Variants in CHRNG observed in about 807,000 individuals in gnomAD.
CHRNG encodes cholinergic receptor nicotinic gamma subunit.
Under a neutral mutation model 65.2 loss-of-function variants are expected in CHRNG, and 72 were observed. That is an observed-to-expected ratio of 1.10 (90% CI 0.91 to 1.34). CHRNG has a LOEUF of 1.34. Ranked by LOEUF, CHRNG falls within the 40% of genes most tolerant of loss-of-function variation. The pLI, the probability that CHRNG is intolerant of heterozygous loss-of-function variation, is 0.00. For synonymous variants in CHRNG, 284 were observed against 290.2 expected (o/e 0.98, Z 0.22); for missense variants, 637 against 680.1 (o/e 0.94, Z 0.70).
At chr2:232,543,542 T>C (rs1416395422) in intron 8 of CHRNG, 43 bp from the exon 9 acceptor site, 6 of 1,379,278 alleles carry the variant, frequency 4.4e-6, no homozygotes, top group Non-Finnish European at 6.2e-6. Flanking sequence ...GGGGGTGGCA[T>C]CATGGTATGG....
rs191198174 is a variant in CHRNG, at chr2:232,540,509, C to G, written c.240+84C>G. ...CCTCCTGAGAGTTGCCTGCCCCGTT[C>G]CTGCCTCTTCTGTCCTCTTGGGCTG... is the stretch of plus-strand genomic sequence containing the variant. On this transcript the variant is annotated intron_variant, in intron 3 of 11. Transcript: ENST00000651502. The surrounding 1 kb of genome is among the most constrained non-coding windows in gnomAD (Gnocchi z 4.2). 1 of 1,601,466 alleles carries G rather than the reference C, an allele frequency of 6.2e-7. No individual in the cohort carries two copies. The highest frequency in any genetic ancestry group is 2.2e-5 in the East Asian group (1 of 44,800).
chr2:232,544,992 G>T, intron 11 of CHRNG, 90 bp downstream of exon 11: 1 of 1,551,558 alleles, frequency 6.4e-7, no homozygotes, highest in Non-Finnish European at 8.8e-7. Flanking sequence ...GCCAAGATAG[G>T]GCAGTGGGAT....
intron 9 of CHRNG, 34 bp downstream of exon 9, chr2:232,543,733 C>A: frequency 7.8e-7 from 1 of 1,287,426 alleles, no homozygotes; most frequent in Non-Finnish European, 1.1e-6. Context: ...CAACATCCCG[C>A]TGCCCACTCC....
Position 232,544,538 on chromosome 2 carries a change from T to A in CHRNG, c.1207T>A (p.Trp403Arg). The A allele has an allele frequency of 6.2e-7, 1 of 1,613,728 alleles. No individual in the cohort carries two copies. Among genetic ancestry groups the A allele is most frequent in the Non-Finnish European group, 8.5e-7 (1 of 1,179,994 alleles). The change falls in exon 10 of 12, where the codon TGG becomes AGG. Residue 403 changes from tryptophan to arginine, a missense_variant. Coordinates refer to ENST00000651502, the MANE Select transcript of CHRNG (RefSeq NM_005199.5). ...LPRSELLFQQ[W>R]QRQGLVAAAL... is the part of the protein sequence containing the mutation. ...TCGCAGTGAACTCCTCTTCCAGCAG[T>A]GGCAGCGGCAAGGGCTGGTGGCGGC...
rs1321567789 is a variant in CHRNG at position 232,543,033 on chromosome 2, T to C, written c.756T>C (p.Cys252=). ...ACGTCATCAACATCATCGCCCCCTG[T>C]GTGCTCATCTCCTCTGTCGCCATCC... ...LFYVINIIAP[C]VLISSVAILI... Residue 252 remains cysteine (C), a synonymous_variant, in exon 7 of 12, where the codon TGT becomes TGC. Coordinates refer to ENST00000651502, the MANE Select transcript of CHRNG (RefSeq NM_005199.5). 2.5e-6 allele frequency: 4 copies of C among 1,614,128 alleles called. No individual in the cohort carries two copies. The highest frequency in any genetic ancestry group is 2.5e-6 in the Non-Finnish European group (3 of 1,180,050).
rs140875617 is a variant in CHRNG, at chr2:232,544,410, G to A, written c.1079G>A (p.Arg360His). 74 of 1,613,426 alleles carry A rather than the reference G, an allele frequency of 4.6e-5. No individual in the cohort carries two copies. The highest frequency in any genetic ancestry group is 1.1e-4 in the African/African-American group (8 of 75,002). ...CCCCAGCTGCTGAGGATGCACGTTCGCCCGCTGGCCCCGGCAGCTGTGCAG... is the reference window on the plus strand; with the variant it reads ...CCCCAGCTGCTGAGGATGCACGTTCACCCGCTGGCCCCGGCAGCTGTGCAG... ...LLPQLLRMHVRPLAPAAVQDT... is the reference protein window; with the variant it reads ...LLPQLLRMHVHPLAPAAVQDT... The change falls in exon 10 of 12, where the codon CGC becomes CAC. Residue 360 changes from arginine (R) to histidine (H), a missense_variant. Arg to His is a conservative substitution (Grantham distance 29, BLOSUM62 0). Coordinates refer to ENST00000651502, the MANE Select transcript of CHRNG (RefSeq NM_005199.5).
chr2:232,542,048 C>A (rs1692027136), intron 5 of CHRNG, among the ~76,000 whole-genome samples: 1 of 152,156 alleles, frequency 6.6e-6, no homozygotes, highest in Non-Finnish European at 1.5e-5. Flanking sequence ...TTTCCATGAG[C>A]AAACCTGGCA....
Position 232,544,901 on chromosome 2 carries a change from A to G in CHRNG, c.1379A>G (p.Asn460Ser). The change falls in exon 11 of 12, where the codon AAT (asparagine) becomes AGT (serine). Residue 460 changes from asparagine to serine, a missense_variant and splice_region_variant. Asn to Ser is a conservative substitution (Grantham distance 46). Coordinates refer to ENST00000651502, the MANE Select transcript of CHRNG (RefSeq NM_005199.5). ...CGGCACCAGCAGAGTCACTTTGACA[A>G]TGTAAGCTGAGTCAGGGTGGGGTGG... Reference protein sequence around the residue: ...CARHQQSHFDNGNEEWFLVGR... With the variant: ...CARHQQSHFDSGNEEWFLVGR... 1 of 1,613,832 alleles carries G rather than the reference A, an allele frequency of 6.2e-7. No individual in the cohort carries two copies. Among genetic ancestry groups the G allele is most frequent in the Non-Finnish European group, 8.5e-7 (1 of 1,179,936 alleles).
In CHRNG at chr2:232,544,538, TGGCAGCGGCAAGGGCTGGTGGC is replaced by T. The variant is rs1246064798; in HGVS notation, c.1215_1236del (p.Gln406TrpfsTer4). 6.2e-7 allele frequency: 1 copy of T among 1,613,610 alleles called. No homozygotes were observed. The highest frequency in any genetic ancestry group is 8.5e-7 in the Non-Finnish European group (1 of 1,180,002). On this transcript the variant is annotated frameshift_variant, in exon 10 of 12. Transcript: ENST00000651502. LOFTEE classifies it high-confidence loss of function. ...TCGCAGTGAACTCCTCTTCCAGCAG[TGGCAGCGGCAAGGGCTGGTGGC>T]GGCAGCGCTGGAGAAGCTAGGTGAG... is the stretch of plus-strand genomic sequence containing the variant.
chr2:232,542,213 G>A (rs1481151855), intron 5 of CHRNG, among the ~76,000 whole-genome samples: 1 of 152,136 alleles, frequency 6.6e-6, no homozygotes, highest in African/African-American at 2.4e-5. Flanking sequence ...GCAGCCTCCT[G>A]GGCCTTCAAC....
At position 232,546,523 on chromosome 2, in the gene CHRNG, T is replaced by G. The variant is rs1439145404; in HGVS notation, c.*807T>G. ...CCACTACACCCAGCTACTTTTAAAT[T>G]TTTAGTAGAGATGAGGTTTTGCTAT... On this transcript the variant is annotated 3_prime_UTR_variant, in exon 12 of 12. Transcript: ENST00000651502. 1 of 151,914 alleles carries G rather than the reference T, an allele frequency of 6.6e-6. No individual in the cohort carries two copies. Among genetic ancestry groups the G allele is most frequent in the Admixed American group, 6.6e-5 (1 of 15,254 alleles). The allele number at this position is 151,914 out of a possible 1,614,324, so 9.4% of individuals were successfully genotyped here. A position where few individuals can be genotyped will look rare whatever the true frequency, so the allele number is the denominator to read the frequency against.
At chr2:232,542,662 A>G (rs975726404) in intron 6 of CHRNG, 142 bp downstream of exon 6, 1 of 741,220 alleles carries the variant, frequency 1.3e-6, no homozygotes, top group Non-Finnish European at 2.4e-6. Context: ...TATGCTTTTT[A>G]AAACGTCCAA....
chr2:232,545,559 T>A lies in CHRNG; in HGVS notation c.1397T>A (p.Phe466Tyr), dbSNP rs1321558030. 1.2e-6 allele frequency: 2 copies of A among 1,613,892 alleles called. No homozygotes were observed. Among genetic ancestry groups the A allele is most frequent in the Non-Finnish European group, 1.7e-6 (2 of 1,179,978 alleles). The stretch of plus-strand genomic sequence containing the variant: ...CACCCTCAGGGGAATGAGGAGTGGT[T>A]CCTGGTGGGCCGAGTGCTGGACCGC... ...SHFDNGNEEW[F>Y]LVGRVLDRVC... The change falls in exon 12 of 12, where the codon TTC (phenylalanine) becomes TAC (tyrosine). Residue 466 changes from phenylalanine to tyrosine, a missense_variant. Phe to Tyr is a conservative substitution (Grantham distance 22). Transcript: ENST00000651502.
At position 232,540,463 on chromosome 2, in the gene CHRNG, T is replaced by C; in HGVS notation, c.240+38T>C. The C allele has an allele frequency of 1.9e-6, 3 of 1,611,554 alleles. No homozygotes were observed. Among genetic ancestry groups the C allele is most frequent in the Non-Finnish European group, 2.5e-6 (3 of 1,179,366 alleles). The stretch of plus-strand genomic sequence containing the variant: ...CCTGCCACCCTCCTTCCATCAGGGG[T>C]CCCACCCCACCACCCCAAGGCCTCC... On this transcript the variant is annotated intron_variant, in intron 3 of 11. Transcript: ENST00000651502. The surrounding 1 kb of genome is among the most constrained non-coding windows in gnomAD (Gnocchi z 4.2).
Position 232,541,242 on chromosome 2 carries a change from CAG to C in CHRNG, c.351-131_351-130del. The C allele has an allele frequency of 3.5e-6, 4 of 1,143,550 alleles. No individual in the cohort carries two copies. Among genetic ancestry groups the C allele is most frequent in the Non-Finnish European group, 5.2e-6 (4 of 770,678 alleles). The allele number at this position is 1,143,550 out of a possible 1,614,324, so 70.8% of individuals were successfully genotyped here. A position where few individuals can be genotyped will look rare whatever the true frequency, so the allele number is the denominator to read the frequency against. ...CCTAGTGGTCCGGGTGGGAACCAGT[CAG>C]GGGGTGACAGGCTGGTAGGGACTGG... is the stretch of plus-strand genomic sequence containing the variant. On this transcript the variant is annotated intron_variant, in intron 4 of 11. Transcript: ENST00000651502. This position sits in a 1 kb window ranked among gnomAD's most constrained non-coding sequence, Gnocchi z 4.0.
chr2:232,548,111 T>C lies in CHRNG; in HGVS notation c.*2395T>C. The stretch of plus-strand genomic sequence containing the variant: ...ATTGCTAAAAAATGCTGATTATCAA[T>C]CTGAGCCTTCGGTGAGTCGTACTCT... On this transcript the variant is annotated 3_prime_UTR_variant, in exon 12 of 12. Coordinates refer to ENST00000651502, the MANE Select transcript of CHRNG (RefSeq NM_005199.5). The C allele has an allele frequency of 1.4e-6, 1 of 737,392 alleles. No homozygotes were observed. 45.7% of individuals were successfully genotyped at this position (737,392 alleles called of 1,614,324 possible).
intron 8 of CHRNG, 88 bp from the exon 9 acceptor site, chr2:232,543,496 AT>A: frequency 3.5e-6 from 4 of 1,145,664 alleles, no homozygotes; most frequent in Non-Finnish European, 4.9e-6. Flanking sequence ...CCCATCCTCA[AT>A]TCAGGAGGCC....
Position 232,547,935 on chromosome 2 carries a change from G to C in CHRNG, c.*2219G>C, listed in dbSNP as rs1692159619. On this transcript the variant is annotated 3_prime_UTR_variant, in exon 12 of 12. Transcript: ENST00000651502. ...ATACCTCAAAGACATTGCAGGTTCA[G>C]TTCCAGACCAACACAAGAAAGCAAG... The C allele has an allele frequency of 4.4e-6, 2 of 454,958 alleles. No individual in the cohort carries two copies. The highest frequency in any genetic ancestry group is 8.4e-5 in the Admixed American group (2 of 23,858). 28.2% of individuals were successfully genotyped at this position (454,958 alleles called of 1,614,324 possible). A position where few individuals can be genotyped will look rare whatever the true frequency, so the allele number is the denominator to read the frequency against.
In CHRNG at chr2:232,547,871, A is replaced by G; in HGVS notation, c.*2155A>G. ...TGCCATTACTATAAGTTACTGTCTCATGGGATCCATACAGCAACCTAAGGA... is the reference window on the plus strand; with the variant it reads ...TGCCATTACTATAAGTTACTGTCTCGTGGGATCCATACAGCAACCTAAGGA... On this transcript the variant is annotated 3_prime_UTR_variant, in exon 12 of 12. Coordinates refer to ENST00000651502, the MANE Select transcript of CHRNG (RefSeq NM_005199.5). 2.6e-6 allele frequency: 1 copy of G among 381,364 alleles called. No individual in the cohort carries two copies. The highest frequency in any genetic ancestry group is 4.6e-6 in the Non-Finnish European group (1 of 215,984). The allele number at this position is 381,364 out of a possible 1,614,324, so 23.6% of individuals were successfully genotyped here.
Sources: allele counts gnomAD v4.1 joint callset (sites outside exome capture counted in the v4.1 genomes callset), GRCh38; gene constraint gnomAD v4.1.1; non-coding constraint Gnocchi (gnomAD v3.1); transcripts MANE v1.5; gene names NCBI Gene and HGNC (gene_info 2026-07-23, HGNC 2026-07-21).